Variants in RPL34 observed in about 807,000 individuals in gnomAD.
RPL34 encodes the protein large ribosomal subunit protein eL34.
RPL34 carries 2 observed loss-of-function variants against 16.3 expected under a neutral mutation model. The ratio of observed to expected loss-of-function variants is 0.12; its 90% CI spans 0.05 to 0.39. The LOEUF (loss-of-function observed/expected upper bound fraction) is 0.39. RPL34 is among the 10% of genes least tolerant of loss of function. The probability of loss-of-function intolerance (pLI) is 0.99; values close to 1 mark genes in which losing one functional copy is unlikely to be tolerated. For synonymous variants in RPL34, 47 were observed against 48.5 expected, an observed-to-expected ratio of 0.97 and a Z score of 0.13; for missense variants, 82 against 148.8, an observed-to-expected ratio of 0.55 and a Z score of 2.33.
At chr4:108,621,804 G>A in intron 1 of RPL34, 147 bp from the exon 2 acceptor site, 1 of 618,062 alleles carries the variant, frequency 1.6e-6, no homozygotes, top group Non-Finnish European at 2.9e-6. Context: ...AATACAAGTA[G>A]TTTTAAAATG....
downstream of RPL34, among the ~76,000 whole-genome samples, chr4:108,626,679 T>C (rs1161470030): frequency 6.6e-6 from 1 of 152,062 alleles, no homozygotes; most frequent in Non-Finnish European, 1.5e-5. Flanking sequence ...TCTCAAGTGA[T>C]CCGCCCACCT....
intron 1 of RPL34, chr4:108,621,717 A>G (rs771541501): frequency 8.9e-6 from 4 of 447,520 alleles, no homozygotes; most frequent in Non-Finnish European, 1.6e-5. Context: ...TGGTCATCAG[A>G]ACGTTAAGGA....
At chr4:108,624,553 C>G (rs1277673499) in intron 4 of RPL34, among the ~76,000 whole-genome samples, 1 of 152,090 alleles carries the variant, frequency 6.6e-6, no homozygotes, top group African/African-American at 2.4e-5. Flanking sequence ...AAAATCTTTC[C>G]AAATTTAATC....
At chr4:108,626,396 C>T (rs975208971), downstream of RPL34, among the ~76,000 whole-genome samples, 3 of 151,690 alleles carry the variant, frequency 2.0e-5, no homozygotes, top group Non-Finnish European at 4.4e-5. Flanking sequence ...TCCCAGCGTG[C>T]CAGGATTACA....
chr4:108,625,426 C>T (rs929826529), downstream of RPL34: 20 of 447,594 alleles, frequency 4.5e-5, no homozygotes, highest in Admixed American at 4.8e-4. Context: ...TCTCTTGTTG[C>T]CTAGGCTGGA....
rs1441622361 is a variant in RPL34, at chr4:108,625,258, G to GTA, written c.*48_*49dup. 1 of 1,192,744 alleles carries GTA rather than the reference G, an allele frequency of 8.4e-7. No individual in the cohort carries two copies. Among genetic ancestry groups the GTA allele is most frequent in the African/African-American group, 1.5e-5 (1 of 65,032 alleles). 73.9% of individuals were successfully genotyped at this position (1,192,744 alleles called of 1,614,324 possible). A position where few individuals can be genotyped will look rare whatever the true frequency, so the allele number is the denominator to read the frequency against. On this transcript the variant is annotated 3_prime_UTR_variant, in exon 5 of 5. Transcript: ENST00000394667. ...TAATAAAAATGAAAAGACGCTGTATGTATGACTTTTTTTTTTTCTGTTGTA... is the reference window on the plus strand; with the variant it reads ...TAATAAAAATGAAAAGACGCTGTATGTATATGACTTTTTTTTTTTCTGTTGTA...
intron 4 of RPL34, 155 bp downstream of exon 4, chr4:108,622,773 G>C (rs1340462927): frequency 4.1e-6 from 2 of 482,134 alleles, no homozygotes; most frequent in Non-Finnish European, 7.5e-6. Context: ...CACAAAGCAG[G>C]AAATGATATT....
At chr4:108,625,821 G>T (rs888191385), downstream of RPL34, among the ~76,000 whole-genome samples, 3 of 152,134 alleles carry the variant, frequency 2.0e-5, no homozygotes, top group Non-Finnish European at 1.5e-5. Flanking sequence ...TGGGAGGAAT[G>T]GCCCTTCTAT....
At chr4:108,627,083 CA>C (rs1726035134), downstream of RPL34, among the ~76,000 whole-genome samples, 3 of 152,044 alleles carry the variant, frequency 2.0e-5, no homozygotes, top group Admixed American at 2.0e-4. Flanking sequence ...ACTAAAAATA[CA>C]AAAAACTAGC....
chr4:108,622,288 A>G lies in RPL34; in HGVS notation c.165+84A>G. 9.6e-6 allele frequency: 10 copies of G among 1,042,340 alleles called. 1 individual carries two copies. In the South Asian group the frequency reaches 1.3e-4, roughly 13 times the overall value. The allele number at this position is 1,042,340 out of a possible 1,614,324, so 64.6% of individuals were successfully genotyped here. Reference sequence around the variant, plus strand: ...CCCTTGACGATGGAATGAATCAAGGAGAGGTTACCACTAAGAGGGTTCAGA... The same window carrying G: ...CCCTTGACGATGGAATGAATCAAGGGGAGGTTACCACTAAGAGGGTTCAGA... On this transcript the variant is annotated intron_variant, in intron 3 of 4. Coordinates refer to ENST00000394667, the MANE Select transcript of RPL34 (RefSeq NM_001319236.2).
At position 108,621,980 on chromosome 4, in the gene RPL34, C is replaced by T. The variant is rs779987998; in HGVS notation, c.21C>T (p.Tyr7=). 35 of 1,612,274 alleles carry T rather than the reference C, an allele frequency of 2.2e-5. No homozygotes were observed. The highest frequency in any genetic ancestry group is 1.5e-4 in the Admixed American group (9 of 60,010). MVQRLT[Y]RRRLSYNTAS... ...TCAGAATGGTCCAGCGTTTGACATA[C>T]CGACGTAGGCTTTCCTACAATACAG... The change falls in exon 2 of 5, where the codon TAC becomes TAT. Residue 7 remains tyrosine (Y), a synonymous_variant. Transcript: ENST00000394667.
At chr4:108,625,552 A>AGG, downstream of RPL34, 1 of 195,284 alleles carries the variant, frequency 5.1e-6, no homozygotes, top group South Asian at 8.6e-5. Flanking sequence ...TGCCTGGCTA[A>AGG]TTTTGTATAT....
At chr4:108,627,159 A>C (rs1399340890), downstream of RPL34, among the ~76,000 whole-genome samples, 2 of 152,018 alleles carry the variant, frequency 1.3e-5, no homozygotes, top group Non-Finnish European at 2.9e-5. Flanking sequence ...GGATTGCTTG[A>C]ACCCGGGAGG....
chr4:108,623,696 G>A (rs75441896), intron 4 of RPL34, among the ~76,000 whole-genome samples: 1,945 of 152,222 alleles, frequency 0.013, 39 homozygotes, highest in African/African-American at 0.044. Context: ...ATAAGCCACC[G>A]CACCCAGTCC....
At chr4:108,627,696 T>C (rs967805838), downstream of RPL34, among the ~76,000 whole-genome samples, 2 of 152,036 alleles carry the variant, frequency 1.3e-5, no homozygotes, top group African/African-American at 4.8e-5. Flanking sequence ...ACCCCGTCTC[T>C]ACTAAAAATA....
chr4:108,626,316 GA>G (rs1725998347), downstream of RPL34, among the ~76,000 whole-genome samples: 1 of 151,922 alleles, frequency 6.6e-6, no homozygotes. Context: ...GGTTTTTTGA[GA>G]AACAGTTTCA....
intron 3 of RPL34, 69 bp from the exon 4 acceptor site, chr4:108,622,446 A>G (rs547202140): frequency 8.1e-7 from 1 of 1,227,504 alleles, no homozygotes; most frequent in Admixed American, 1.7e-5. Flanking sequence ...ACTTGCCCTT[A>G]ACACTTAACA....
At chr4:108,628,886 G>T (rs62314861), downstream of RPL34, among the ~76,000 whole-genome samples, 13 of 151,878 alleles carry the variant, frequency 8.6e-5, no homozygotes, top group Admixed American at 7.2e-4. Context: ...GCAGTGACGC[G>T]ATCTCAGCTT....
chr4:108,627,067 G>A (rs983526426), downstream of RPL34, among the ~76,000 whole-genome samples: 10 of 152,048 alleles, frequency 6.6e-5, no homozygotes, highest in East Asian at 1.9e-4. Flanking sequence ...GTGAAACCCC[G>A]TCTGTACTAA....
Sources: allele counts gnomAD v4.1 joint callset (sites outside exome capture counted in the v4.1 genomes callset), GRCh38; gene constraint gnomAD v4.1.1; transcripts MANE v1.5; gene names NCBI Gene and HGNC (gene_info 2026-07-23, HGNC 2026-07-21).